Variants in APOLD1 observed in about 807,000 individuals in gnomAD.
APOLD1 encodes the protein apolipoprotein L domain containing 1, also known as apolipoprotein L domain-containing protein 1.
In APOLD1, 22 loss-of-function variants were observed where a neutral mutation model predicts 15.3. That is an observed-to-expected ratio of 1.44 (90% CI 1.03 to 2.05). The LOEUF is 2.05. Among genes scored for constraint, APOLD1 ranks in the 30% most tolerant of loss-of-function variants. The pLI, the probability that APOLD1 is intolerant of heterozygous loss-of-function variation, is 0.00. For missense variants in APOLD1, 394 were observed against 353.5 expected (o/e 1.11, Z -0.92); for synonymous variants, 190 against 167.4 (o/e 1.13, Z -1.04).
rs6144616 is a variant in APOLD1, at chr12:12,761,830, T to TAGAGAGAGAGAGAGAGAGAGAGAGAGAG, written c.97-25074_97-25047dup. ...GAACATATACATATATGTATATGTA[T>TAGAGAGAGAGAGAGAGAGAGAGAGAGAG]AGAGAGAGAGAGAGAGAGAGAGAGA... On this transcript the variant is annotated intron_variant, in intron 1 of 1. Coordinates refer to the APOLD1 transcript ENST00000326765. Among the ~76,000 whole-genome samples the TAGAGAGAGAGAGAGAGAGAGAGAGAGAG allele has an allele frequency of 4.4e-5, 5 of 114,640 alleles. No homozygotes were observed. The East Asian group carries it at 1.3e-3, about 29-fold the overall frequency. 75.2% of individuals were successfully genotyped at this position (114,640 alleles called of 152,430 possible). A position where few individuals can be genotyped will look rare whatever the true frequency, so the allele number is the denominator to read the frequency against.
intron 1 of APOLD1, chr12:12,771,485 G>A (rs891128702): frequency 1.2e-5 from 6 of 488,670 alleles, no homozygotes; most frequent in African/African-American, 4.0e-5. Flanking sequence ...TTTCATCTGT[G>A]TTTTCCAGCA....
rs899913452 is a variant in APOLD1 at position 12,757,575 on chromosome 12, C to T, written c.97-29334C>T. On this transcript the variant is annotated intron_variant, in intron 1 of 1. Transcript: ENST00000326765. ...CTGCCAATCAGATCAAGAACTAGAA[C>T]GTTGTCAGCCACCCCCGAAAGCCCC... Among the ~76,000 whole-genome samples the T allele has an allele frequency of 4.6e-5, 7 of 152,230 alleles. No individual in the cohort carries two copies. The East Asian group carries it at 5.8e-4, about 13-fold the overall frequency.
intron 1 of APOLD1, among the ~76,000 whole-genome samples, chr12:12,761,639 A>T (rs116028640): frequency 6.6e-6 from 1 of 152,036 alleles, no homozygotes; most frequent in Non-Finnish European, 1.5e-5. Flanking sequence ...AGTTGAAAAT[A>T]TGATAAATGT....
intron 1 of APOLD1, among the ~76,000 whole-genome samples, chr12:12,751,208 G>A (rs1052235490): frequency 1.3e-5 from 2 of 152,124 alleles, no homozygotes; most frequent in African/African-American, 2.4e-5. Flanking sequence ...GAAGGGTAAC[G>A]TCATGAAGGT....
chr12:12,729,837 A>G (rs1475165429), intron 1 of APOLD1, among the ~76,000 whole-genome samples: 2 of 152,000 alleles, frequency 1.3e-5, no homozygotes, highest in Admixed American at 1.3e-4. Flanking sequence ...TCTTACTTGT[A>G]TTTAACCACA....
intron 1 of APOLD1, among the ~76,000 whole-genome samples, chr12:12,751,055 T>C (rs904904270): frequency 2.6e-5 from 4 of 151,112 alleles, no homozygotes; most frequent in African/African-American, 4.9e-5. Context: ...TCCCAAATTG[T>C]CAGGATCACA....
chr12:12,739,910 A>G (rs1946718883), intron 1 of APOLD1, among the ~76,000 whole-genome samples: 1 of 149,388 alleles, frequency 6.7e-6, no homozygotes, highest in Non-Finnish European at 1.5e-5. Flanking sequence ...TCTGCCTCCC[A>G]GGTTCAAGCA....
In APOLD1 at chr12:12,785,734, T is replaced by G. The variant is rs747668541; in HGVS notation, c.3+40T>G. 6 of 1,586,512 alleles carry G rather than the reference T, an allele frequency of 3.8e-6. No homozygotes were observed. In the Admixed American group the frequency reaches 8.3e-5, roughly 22 times the overall value. On this transcript the variant is annotated intron_variant, in intron 1 of 1. Transcript: ENST00000356591. ...CTGAGGCATATATTCGGGATGACTTTTTCTCATTTTCTCTTTTCACCTGGA... is the reference window on the plus strand; with the variant it reads ...CTGAGGCATATATTCGGGATGACTTGTTCTCATTTTCTCTTTTCACCTGGA...
intron 1 of APOLD1, among the ~76,000 whole-genome samples, chr12:12,770,677 A>C (rs1401473991): frequency 1.3e-5 from 2 of 151,882 alleles, no homozygotes; most frequent in African/African-American, 4.8e-5. Flanking sequence ...GAGAATACAG[A>C]ATAAATATTT....
intron 1 of APOLD1, among the ~76,000 whole-genome samples, chr12:12,764,013 A>G (rs1371209101): frequency 6.6e-6 from 1 of 152,080 alleles, no homozygotes; most frequent in Non-Finnish European, 1.5e-5. Flanking sequence ...CCCAGGCTGG[A>G]GTGCAGTGGT....
intron 1 of APOLD1, among the ~76,000 whole-genome samples, chr12:12,777,233 C>A (rs774382047): frequency 6.6e-5 from 10 of 152,142 alleles, no homozygotes; most frequent in Non-Finnish European, 1.2e-4. Context: ...TTCTCCCTGC[C>A]CAGTGCAGAC....
chr12:12,772,385 A>G (rs921532182), intron 1 of APOLD1, among the ~76,000 whole-genome samples: 2 of 152,236 alleles, frequency 1.3e-5, no homozygotes, highest in Non-Finnish European at 2.9e-5. Flanking sequence ...GTGGGAAGAA[A>G]GAGGGACATT....
chr12:12,786,958 G>A lies in APOLD1; in HGVS notation c.53G>A (p.Arg18Gln), dbSNP rs4763876. ...AREPHGPDAL[R>Q]RFQGLLLDRR... ...GAGCCGCATGGGCCCGACGCGCTGC[G>A]GCGCTTCCAGGGACTGCTGCTGGAC... is the stretch of plus-strand genomic sequence containing the variant. The change falls in exon 2 of 2, where the codon CGG (arginine) becomes CAG (glutamine). Residue 18 changes from arginine (R) to glutamine (Q), a missense_variant. Transcript: ENST00000356591. 95,596 of 1,458,350 alleles carry A rather than the reference G, an allele frequency of 0.066. 3,570 individuals carry two copies. Among genetic ancestry groups the A allele is most frequent in the Admixed American group, 0.12 (4,649 of 37,328 alleles). 90.3% of individuals were successfully genotyped at this position (1,458,350 alleles called of 1,614,324 possible). A position where few individuals can be genotyped will look rare whatever the true frequency, so the allele number is the denominator to read the frequency against.
chr12:12,750,425 T>C (rs561415219), intron 1 of APOLD1, among the ~76,000 whole-genome samples: 2 of 151,406 alleles, frequency 1.3e-5, no homozygotes, highest in East Asian at 3.9e-4. Context: ...TTTGGACTTC[T>C]TTGAATTTTA....
chr12:12,726,502 T>G (rs1459881284), intron 1 of APOLD1: 6 of 258,764 alleles, frequency 2.3e-5, no homozygotes, highest in Non-Finnish European at 3.9e-5. Flanking sequence ...GTTTTAAAGT[T>G]TATAATAAGT....
At chr12:12,778,483 C>A (rs1293864704) in intron 1 of APOLD1, among the ~76,000 whole-genome samples, 1 of 134,674 alleles carries the variant, frequency 7.4e-6, no homozygotes, top group East Asian at 2.4e-4. Flanking sequence ...CCTCGTGTGG[C>A]TAATTTTTAA....
upstream of APOLD1, among the ~76,000 whole-genome samples, chr12:12,783,630 G>GT (rs60822688): frequency 0.025 from 3,064 of 123,854 alleles, 35 homozygotes; most frequent in Middle Eastern, 0.041. Flanking sequence ...GTTTTTTTTT[G>GT]TTTTTTTTTT....
chr12:12,758,378 G>A (rs563116356), intron 1 of APOLD1, among the ~76,000 whole-genome samples: 7 of 151,952 alleles, frequency 4.6e-5, no homozygotes, highest in East Asian at 2.0e-4. Flanking sequence ...AACCTTGTCC[G>A]TACTAAAAAT....
intron 1 of APOLD1, among the ~76,000 whole-genome samples, chr12:12,767,806 G>A (rs1195429498): frequency 6.7e-6 from 1 of 149,394 alleles, no homozygotes; most frequent in African/African-American, 2.5e-5. Flanking sequence ...TTTTTTTTTT[G>A]ACGGAGTCTC....
Sources: allele counts gnomAD v4.1 joint callset (sites outside exome capture counted in the v4.1 genomes callset), GRCh38; gene constraint gnomAD v4.1.1; transcripts MANE v1.5; gene names NCBI Gene and HGNC (gene_info 2026-07-23, HGNC 2026-07-21).